The following TMEM132B variants were observed in gnomAD, a reference collection of about 807,000 sequenced individuals.
TMEM132B encodes the protein transmembrane protein 132B.
Under a neutral mutation model 90.8 loss-of-function variants are expected in TMEM132B, and 18 were observed. That is an observed-to-expected ratio of 0.20 (90% CI 0.14 to 0.29). The LOEUF (loss-of-function observed/expected upper bound fraction) is 0.29, where lower values mean the gene tolerates loss of function less well. Among genes scored for constraint, TMEM132B ranks in the 10% least tolerant of loss-of-function variants. The pLI is 1.00. For synonymous variants in TMEM132B, 504 were observed against 523.3 expected (o/e 0.96, Z 0.50); for missense variants, 1,096 against 1,326.8 (o/e 0.83, Z 2.70).
intron 5 of TMEM132B, among the ~76,000 whole-genome samples, chr12:125,591,209 A>C (rs556406850): frequency 2.0e-5 from 3 of 152,326 alleles, no homozygotes; most frequent in East Asian, 3.9e-4. Context: ...AACAACATGT[A>C]TCTTACAGTT....
chr12:125,217,171 A>T (rs1280171422), intron 1 of TMEM132B, among the ~76,000 whole-genome samples: 1 of 152,218 alleles, frequency 6.6e-6, no homozygotes, highest in Non-Finnish European at 1.5e-5. Flanking sequence ...CAGAACCGTA[A>T]ATCAACAGAT....
intron 4 of TMEM132B, among the ~76,000 whole-genome samples, chr12:125,549,957 C>T (rs182746644): frequency 2.6e-5 from 4 of 152,334 alleles, no homozygotes; most frequent in Non-Finnish European, 4.4e-5. Flanking sequence ...TCTCTCCCTG[C>T]TTTGTGGTCT....
chr12:125,623,304 T>C (rs1381017100), intron 5 of TMEM132B, among the ~76,000 whole-genome samples: 1 of 152,196 alleles, frequency 6.6e-6, no homozygotes, highest in Non-Finnish European at 1.5e-5. Flanking sequence ...TGTAATCAAA[T>C]CATAATCTTG....
intron 2 of TMEM132B, among the ~76,000 whole-genome samples, chr12:125,392,482 C>T (rs77092912): frequency 0.02 from 3,087 of 152,304 alleles, 96 homozygotes; most frequent in African/African-American, 0.069. Flanking sequence ...AAATAACTAG[C>T]GTTGGGCTAC....
intron 3 of TMEM132B, among the ~76,000 whole-genome samples, chr12:125,496,555 A>C (rs932231791): frequency 6.6e-6 from 1 of 152,116 alleles, no homozygotes; most frequent in African/African-American, 2.4e-5. Context: ...AAATCAGCTT[A>C]ACCAAATATT....
At chr12:125,579,000 C>T (rs919834586) in intron 4 of TMEM132B, among the ~76,000 whole-genome samples, 2 of 152,244 alleles carry the variant, frequency 1.3e-5, no homozygotes, top group East Asian at 3.9e-4. Flanking sequence ...ATCTGGGACA[C>T]CTTTGCCATT....
At chr12:125,427,524 C>T (rs1880354447) in intron 3 of TMEM132B, among the ~76,000 whole-genome samples, 1 of 152,208 alleles carries the variant, frequency 6.6e-6, no homozygotes, top group Non-Finnish European at 1.5e-5. Context: ...GTCCAACGCT[C>T]TTTTCGCAGT....
At chr12:125,369,078 G>A (rs573000367) in intron 2 of TMEM132B, among the ~76,000 whole-genome samples, 2 of 151,708 alleles carry the variant, frequency 1.3e-5, no homozygotes, top group South Asian at 4.2e-4. Flanking sequence ...GTGTCCAGGT[G>A]TTCTCATTGT....
chr12:125,601,677 G>A (rs1885574716), intron 5 of TMEM132B, among the ~76,000 whole-genome samples: 2 of 152,086 alleles, frequency 1.3e-5, no homozygotes, highest in South Asian at 4.1e-4. Flanking sequence ...GAATCCAGGA[G>A]CTCGATTTTT....
At chr12:125,390,258 G>A (rs1878970784) in intron 2 of TMEM132B, among the ~76,000 whole-genome samples, 1 of 152,244 alleles carries the variant, frequency 6.6e-6, no homozygotes, top group Non-Finnish European at 1.5e-5. Context: ...ACAGTGGAAT[G>A]GATGAATAAG....
intron 5 of TMEM132B, among the ~76,000 whole-genome samples, chr12:125,618,042 T>C (rs1474036025): frequency 6.6e-6 from 1 of 152,110 alleles, no homozygotes; most frequent in Non-Finnish European, 1.5e-5. Context: ...TGAGTTCCTT[T>C]AGGGAGAGCT....
intron 2 of TMEM132B, among the ~76,000 whole-genome samples, chr12:125,386,945 C>G (rs952355194): frequency 1.3e-5 from 2 of 152,110 alleles, no homozygotes; most frequent in African/African-American, 4.8e-5. Flanking sequence ...ACTTTGTATT[C>G]CTCTGGGTGT....
intron 4 of TMEM132B, among the ~76,000 whole-genome samples, chr12:125,572,422 TA>T (rs1884822046): frequency 6.6e-6 from 1 of 152,252 alleles, no homozygotes. Flanking sequence ...CTCCAGAGGC[TA>T]CGCCGTTCAA....
chr12:125,398,689 A>G (rs325096), intron 2 of TMEM132B, among the ~76,000 whole-genome samples: 71,973 of 152,148 alleles, frequency 0.47, 17,847 homozygotes, highest in East Asian at 0.88. Context: ...TGATGCTTAC[A>G]TATTGGCTAT....
At chr12:125,249,801 G>A (rs999409206) in intron 1 of TMEM132B, among the ~76,000 whole-genome samples, 1 of 152,232 alleles carries the variant, frequency 6.6e-6, no homozygotes, top group Non-Finnish European at 1.5e-5. Flanking sequence ...AATGGGAAGG[G>A]TGGGACAAGT....
At chr12:125,316,429 T>A (rs1277538707) in intron 1 of TMEM132B, among the ~76,000 whole-genome samples, 1 of 152,198 alleles carries the variant, frequency 6.6e-6, no homozygotes, top group Admixed American at 6.5e-5. Flanking sequence ...CTAACCTTGC[T>A]TTTCCTCAAT....
chr12:125,257,142 A>G (rs900532170), intron 1 of TMEM132B, among the ~76,000 whole-genome samples: 2 of 152,012 alleles, frequency 1.3e-5, no homozygotes, highest in Non-Finnish European at 1.5e-5. Context: ...CAAGACTCCA[A>G]CTCTCAGAAA....
chr12:125,300,258 A>C (rs2088709), intron 1 of TMEM132B, among the ~76,000 whole-genome samples: 14,503 of 151,024 alleles, frequency 0.096, 786 homozygotes, highest in South Asian at 0.13. Context: ...GTGGTCTCCA[A>C]CTCCTGGCCT....
At chr12:125,434,577 C>A (rs575052623) in intron 3 of TMEM132B, among the ~76,000 whole-genome samples, 252 of 152,286 alleles carry the variant, frequency 1.7e-3, no homozygotes, top group African/African-American at 5.9e-3. Context: ...GCCGCCCTGG[C>A]AGTGGCTCCC....
Sources: allele counts gnomAD v4.1 joint callset (sites outside exome capture counted in the v4.1 genomes callset), GRCh38; gene constraint gnomAD v4.1.1; transcripts MANE v1.5; gene names NCBI Gene and HGNC (gene_info 2026-07-23, HGNC 2026-07-21).